Variants in UTS2B observed in about 807,000 individuals in gnomAD.
UTS2B encodes the protein urotensin-2B.
UTS2B carries 21 observed loss-of-function variants against 19.2 expected under a neutral mutation model. The observed-to-expected ratio is 1.09, with a 90% confidence interval of 0.78 to 1.58. UTS2B has a LOEUF of 1.58. Among genes scored for constraint, UTS2B ranks in the 40% most tolerant of loss-of-function variants. UTS2B has a pLI of 0.00. For missense variants in UTS2B, 138 were observed against 130.3 expected, an observed-to-expected ratio of 1.06 and a Z score of -0.29; for synonymous variants, 57 against 50.2, an observed-to-expected ratio of 1.14 and a Z score of -0.58.
chr3:191,331,556 C>A (rs764167725), upstream of UTS2B, among the ~76,000 whole-genome samples: 4 of 152,216 alleles, frequency 2.6e-5, no homozygotes, highest in East Asian at 5.8e-4. Flanking sequence ...CAGTGTGGCT[C>A]TTTCATTAAG....
intron 4 of UTS2B, among the ~76,000 whole-genome samples, chr3:191,304,022 T>G (rs1279693957): frequency 1.3e-5 from 2 of 151,590 alleles, no homozygotes; most frequent in African/African-American, 4.9e-5. Flanking sequence ...CCAGCTGGAG[T>G]GCAGTGGCGC....
the UTS2B span, among the ~76,000 whole-genome samples, chr3:191,344,022 T>G: frequency 2.0e-5 from 3 of 152,146 alleles, no homozygotes; most frequent in Non-Finnish European, 4.4e-5. Flanking sequence ...AGAAGCAGCA[T>G]AGGAGAAATG....
chr3:191,271,337 C>T (rs1033650285), intron 8 of UTS2B, among the ~76,000 whole-genome samples: 2 of 151,296 alleles, frequency 1.3e-5, no homozygotes, highest in African/African-American at 2.4e-5. Flanking sequence ...AGTTACATTT[C>T]TTCCCTGCTA....
At chr3:191,283,315 A>C (rs1387235158) in intron 4 of UTS2B, among the ~76,000 whole-genome samples, 2 of 152,182 alleles carry the variant, frequency 1.3e-5, no homozygotes, top group African/African-American at 4.8e-5. Context: ...AGAGTTGCTG[A>C]CATGGTTGCC....
chr3:191,316,543 C>T (rs1717457725), intron 2 of UTS2B, 104 bp from the exon 3 acceptor site: 1 of 150,354 alleles, frequency 6.7e-6, no homozygotes, highest in Non-Finnish European at 1.5e-5. Flanking sequence ...CTGACCCCAC[C>T]TACATCCTGC....
At chr3:191,308,372 C>T (rs1717201398) in intron 3 of UTS2B, among the ~76,000 whole-genome samples, 1 of 152,152 alleles carries the variant, frequency 6.6e-6, no homozygotes, top group African/African-American at 2.4e-5. Context: ...AACAAGCAGC[C>T]TTTAAGTCAC....
chr3:191,331,137 T>G (rs1190807011), upstream of UTS2B, among the ~76,000 whole-genome samples: 1 of 152,172 alleles, frequency 6.6e-6, no homozygotes, highest in East Asian at 1.9e-4. Context: ...GAGGGTTTTT[T>G]GTGTGGGTAT....
chr3:191,310,152 G>T (rs1198921702), intron 3 of UTS2B, among the ~76,000 whole-genome samples: 1 of 151,942 alleles, frequency 6.6e-6, no homozygotes, highest in Admixed American at 6.6e-5. Context: ...TTTTGGTAGA[G>T]ATGGTGTTTC....
intron 8 of UTS2B, 77 bp from the exon 9 acceptor site, chr3:191,268,518 G>T: frequency 9.8e-7 from 1 of 1,016,354 alleles, no homozygotes; most frequent in Non-Finnish European, 1.4e-6. Flanking sequence ...TAGCTTATGT[G>T]TGCCTGAATG....
At chr3:191,286,364 G>A (rs6802515) in intron 4 of UTS2B, among the ~76,000 whole-genome samples, 4,868 of 150,408 alleles carry the variant, frequency 0.032, 270 homozygotes, top group African/African-American at 0.11. Context: ...TCCAGGATAC[G>A]TCATGTATTA....
At chr3:191,289,283 C>T (rs1716642521) in intron 4 of UTS2B, among the ~76,000 whole-genome samples, 1 of 151,920 alleles carries the variant, frequency 6.6e-6, no homozygotes, top group Non-Finnish European at 1.5e-5. Flanking sequence ...GTGGCAGGCG[C>T]CTGTAGGCCC....
At chr3:191,333,291 T>G (rs1718047717), upstream of UTS2B, among the ~76,000 whole-genome samples, 1 of 152,240 alleles carries the variant, frequency 6.6e-6, no homozygotes, top group South Asian at 2.1e-4. Context: ...AGCACTGATT[T>G]ATTTTAGGTT....
the UTS2B span, among the ~76,000 whole-genome samples, chr3:191,335,534 G>A: frequency 4.6e-5 from 7 of 152,150 alleles, no homozygotes; most frequent in South Asian, 4.2e-4. Context: ...AAAAACCAGC[G>A]CAAGAGTTCT....
rs531610288 is a variant in UTS2B, at chr3:191,316,955, C to T, written c.-585-516G>A. Among the ~76,000 whole-genome samples the T allele has an allele frequency of 2.6e-5, 4 of 152,264 alleles. No homozygotes were observed. The East Asian group carries it at 5.8e-4, about 22-fold the overall frequency. ...CAGGAGCCCAGCTGGCTTAGCCTAG[C>T]GGATCCCACGCCGGGGCTGCCGGCG... On this transcript the variant is annotated intron_variant, in intron 2 of 8. Transcript: ENST00000340524.
chr3:191,335,107 G>A (rs907018613), upstream of UTS2B, among the ~76,000 whole-genome samples: 1 of 152,068 alleles, frequency 6.6e-6, no homozygotes, highest in African/African-American at 2.4e-5. Flanking sequence ...CCCTTGTTAG[G>A]GACTTAACAG....
chr3:191,318,187 C>T (rs1717518262), intron 2 of UTS2B, among the ~76,000 whole-genome samples: 1 of 152,142 alleles, frequency 6.6e-6, no homozygotes, highest in Non-Finnish European at 1.5e-5. Flanking sequence ...TCCTTTTCTC[C>T]ATTCTCAGAG....
chr3:191,302,191 T>C (rs990063687), intron 4 of UTS2B, among the ~76,000 whole-genome samples: 7 of 152,336 alleles, frequency 4.6e-5, no homozygotes, highest in African/African-American at 1.4e-4. Flanking sequence ...TGTAAGCTAA[T>C]TGTAATGTAT....
intron 7 of UTS2B, among the ~76,000 whole-genome samples, chr3:191,275,914 G>A (rs1461617751): frequency 6.6e-6 from 1 of 152,104 alleles, no homozygotes; most frequent in African/African-American, 2.4e-5. Flanking sequence ...GAAAGAAACA[G>A]GTTTTGGGCA....
At chr3:191,311,293 A>C (rs1245226453) in intron 3 of UTS2B, among the ~76,000 whole-genome samples, 2 of 152,260 alleles carry the variant, frequency 1.3e-5, no homozygotes, top group African/African-American at 2.4e-5. Flanking sequence ...AATTTGAAGA[A>C]AAATTATTCG....
Sources: allele counts gnomAD v4.1 joint callset (sites outside exome capture counted in the v4.1 genomes callset), GRCh38; gene constraint gnomAD v4.1.1; transcripts MANE v1.5; gene names NCBI Gene and HGNC (gene_info 2026-07-23, HGNC 2026-07-21).